TRAPPC9: variants seen among roughly 807,000 people sequenced by gnomAD.
TRAPPC9 encodes trafficking protein particle complex subunit 9.
In TRAPPC9, 83 loss-of-function variants were observed where a neutral mutation model predicts 124.0. The observed-to-expected ratio is 0.67, with a 90% CI of 0.56 to 0.80. The LOEUF (loss-of-function observed/expected upper bound fraction) is 0.80, where lower values mean the gene tolerates loss of function less well. Ranked by LOEUF, TRAPPC9 falls within the 30% of genes least tolerant of loss-of-function variation. The probability of loss-of-function intolerance (pLI) is 0.00; values close to 1 mark genes in which losing one functional copy is unlikely to be tolerated. For synonymous variants in TRAPPC9, 638 were observed against 617.5 expected (o/e 1.03, Z -0.49); for missense variants, 1,302 against 1,508.3 (o/e 0.86, Z 2.27).
intron 19 of TRAPPC9, among the ~76,000 whole-genome samples, chr8:139,950,142 G>A (rs1360097491): frequency 1.3e-5 from 2 of 152,190 alleles, no homozygotes; most frequent in Admixed American, 6.5e-5. Context: ...TGGGGGAAGC[G>A]GGGCGTGTGG....
chr8:140,275,535 A>G, intron 15 of TRAPPC9, 123 bp downstream of exon 15: 1 of 1,112,198 alleles, frequency 9.0e-7, no homozygotes, highest in East Asian at 2.5e-5. Flanking sequence ...CCTGACTTCT[A>G]CTGACTTCAA....
chr8:140,180,009 T>TTTTTTTTTTTTG (rs2062161604), intron 17 of TRAPPC9, among the ~76,000 whole-genome samples: 1 of 145,668 alleles, frequency 6.9e-6, no homozygotes. Flanking sequence ...TTTTTTTTTT[T>TTTTTTTTTTTTG]TTTTTGGCCA....
At chr8:140,103,847 G>A (rs557746773) in intron 17 of TRAPPC9, among the ~76,000 whole-genome samples, 5 of 152,302 alleles carry the variant, frequency 3.3e-5, no homozygotes, top group Admixed American at 1.3e-4. Flanking sequence ...AGAAGAAACA[G>A]GATCAGGTCT....
chr8:139,897,906 C>A (rs947624490), intron 20 of TRAPPC9, among the ~76,000 whole-genome samples: 1 of 152,266 alleles, frequency 6.6e-6, no homozygotes, highest in Non-Finnish European at 1.5e-5. Context: ...ACGTTAGAGG[C>A]ACTTGTGTTG....
At chr8:139,869,573 T>C (rs1828764264) in intron 21 of TRAPPC9, among the ~76,000 whole-genome samples, 1 of 152,210 alleles carries the variant, frequency 6.6e-6, no homozygotes, top group Non-Finnish European at 1.5e-5. Flanking sequence ...CCCCGTATCA[T>C]TAATAAAGTA....
chr8:140,064,917 T>C (rs1035726635), intron 17 of TRAPPC9, among the ~76,000 whole-genome samples: 19 of 152,210 alleles, frequency 1.2e-4, no homozygotes, highest in South Asian at 4.1e-4. Context: ...TGTTTGTCCA[T>C]GGGAACTACA....
intron 15 of TRAPPC9, among the ~76,000 whole-genome samples, chr8:140,264,645 G>C (rs971610740): frequency 6.6e-6 from 1 of 151,722 alleles, no homozygotes; most frequent in Non-Finnish European, 1.5e-5. Context: ...GAGGGCAGGG[G>C]AGAGAGAGAG....
At chr8:140,428,598 G>A (rs865968534) in intron 4 of TRAPPC9, among the ~76,000 whole-genome samples, 7 of 152,094 alleles carry the variant, frequency 4.6e-5, no homozygotes, top group Admixed American at 6.6e-5. Flanking sequence ...AGAGTGGGCC[G>A]ATGCTTCAGT....
chr8:140,297,626 C>T (rs965139248), intron 11 of TRAPPC9, among the ~76,000 whole-genome samples: 7 of 152,270 alleles, frequency 4.6e-5, no homozygotes, highest in Admixed American at 6.5e-5. Flanking sequence ...GCCCACACGG[C>T]TCCTCAGATG....
chr8:140,010,415 A>C (rs1358769706), intron 18 of TRAPPC9, among the ~76,000 whole-genome samples: 1 of 152,242 alleles, frequency 6.6e-6, no homozygotes, highest in Non-Finnish European at 1.5e-5. Context: ...GCAAAAGGTG[A>C]CCAAAATAAT....
chr8:140,288,299 G>A (rs2065548647), intron 12 of TRAPPC9, among the ~76,000 whole-genome samples: 1 of 152,236 alleles, frequency 6.6e-6, no homozygotes, highest in African/African-American at 2.4e-5. Context: ...TCACACCACT[G>A]CACTCCAGCG....
chr8:140,021,166 G>A (rs762680266), intron 18 of TRAPPC9, among the ~76,000 whole-genome samples: 43 of 152,170 alleles, frequency 2.8e-4, no homozygotes, highest in Admixed American at 1.0e-3. Flanking sequence ...TTGACTGTAC[G>A]TTCCTTGTTC....
chr8:140,063,399 A>C lies in TRAPPC9; in HGVS notation c.2557-39320T>G, dbSNP rs1408007943. On this transcript the variant is annotated intron_variant, in intron 17 of 22. Coordinates refer to ENST00000438773, the MANE Select transcript of TRAPPC9 (RefSeq NM_001160372.4). This position sits in a 1 kb window ranked among gnomAD's most constrained non-coding sequence, Gnocchi z 4.3. ...CAGGTAACACGGTACTCACTTTGAG[A>C]AATAATCCTACGGCCATCTTGTTCT... Among the ~76,000 whole-genome samples, 2 of 152,154 alleles carry C rather than the reference A, an allele frequency of 1.3e-5. No homozygotes were observed. Among genetic ancestry groups the C allele is most frequent in the African/African-American group, 4.8e-5 (2 of 41,434 alleles).
At chr8:140,138,362 A>G (rs545982471) in intron 17 of TRAPPC9, among the ~76,000 whole-genome samples, 3 of 152,308 alleles carry the variant, frequency 2.0e-5, no homozygotes, top group South Asian at 2.1e-4. Flanking sequence ...GTACTAAACT[A>G]TGTGTTAGGC....
In TRAPPC9 at chr8:140,300,456, A is replaced by C; in HGVS notation, c.1768+13T>G. ...GGCAGAGCACGGTGGGAAAGCCAGG[A>C]TCGACGTCCTACCTATTTTCTTGTT... On this transcript the variant is annotated intron_variant, in intron 11 of 22. Transcript: ENST00000438773. 3 of 1,614,134 alleles carry C rather than the reference A, an allele frequency of 1.9e-6. No homozygotes were observed. The highest frequency in any genetic ancestry group is 2.5e-6 in the Non-Finnish European group (3 of 1,179,986).
intron 17 of TRAPPC9, among the ~76,000 whole-genome samples, chr8:140,085,195 G>A (rs1211636508): frequency 6.6e-6 from 1 of 152,176 alleles, no homozygotes; most frequent in East Asian, 1.9e-4. Context: ...CTCTCCTGCT[G>A]TAGTTACAGG....
At chr8:140,429,527 A>C (rs944018929) in intron 4 of TRAPPC9, among the ~76,000 whole-genome samples, 13 of 152,168 alleles carry the variant, frequency 8.5e-5, no homozygotes, top group Admixed American at 4.6e-4. Flanking sequence ...GTTGTTGTGA[A>C]GATTAAAGGG....
rs189450454 is a variant in TRAPPC9 at position 139,967,864 on chromosome 8, C to T, written c.2810+20862G>A. ...TAAAAAAAACACAATGGTGGCCGGG[C>T]GCGGTGGCTCACACCTATAATCCCA... is the stretch of plus-strand genomic sequence containing the variant. On this transcript the variant is annotated intron_variant, in intron 19 of 22. Coordinates refer to ENST00000438773, the MANE Select transcript of TRAPPC9 (RefSeq NM_001160372.4). Among the ~76,000 whole-genome samples the T allele has an allele frequency of 4.5e-4, 68 of 152,278 alleles. No individual in the cohort carries two copies. The East Asian group carries it at 0.013, about 28-fold the overall frequency.
At chr8:140,301,202 G>A (rs181276073) in intron 10 of TRAPPC9, among the ~76,000 whole-genome samples, 5 of 152,312 alleles carry the variant, frequency 3.3e-5, no homozygotes, top group East Asian at 1.9e-4. Flanking sequence ...TGCTCTACTC[G>A]CATGCAGCAG....
Sources: allele counts gnomAD v4.1 joint callset (sites outside exome capture counted in the v4.1 genomes callset), GRCh38; gene constraint gnomAD v4.1.1; non-coding constraint Gnocchi (gnomAD v3.1); transcripts MANE v1.5; gene names NCBI Gene and HGNC (gene_info 2026-07-23, HGNC 2026-07-21).